The following ATP2C1 variants were observed in gnomAD, a reference collection of about 807,000 sequenced individuals.
ATP2C1 encodes calcium-transporting ATPase type 2C member 1.
ATP2C1 carries 31 observed loss-of-function variants against 120.5 expected under a neutral mutation model. The ratio of observed to expected loss-of-function variants is 0.26; its 90% CI spans 0.19 to 0.35. The LOEUF is 0.35. Ranked by LOEUF, ATP2C1 falls within the 10% of genes least tolerant of loss-of-function variation. The pLI is 1.00. For missense variants in ATP2C1, 731 were observed against 1,107.5 expected (o/e 0.66, Z 4.83); for synonymous variants, 351 against 358.7 (o/e 0.98, Z 0.24).
chr3:130,897,212 G>A (rs1023938062), intron 2 of ATP2C1, among the ~76,000 whole-genome samples: 1 of 152,168 alleles, frequency 6.6e-6, no homozygotes, highest in African/African-American at 2.4e-5. Context: ...GTTAGGTAAG[G>A]AATTTTCTAT....
chr3:130,964,210 T>A, intron 13 of ATP2C1, 115 bp downstream of exon 13: 2 of 1,468,432 alleles, frequency 1.4e-6, no homozygotes, highest in South Asian at 2.3e-5. Flanking sequence ...ATGTTTGGCT[T>A]ATGGCAAAAT....
intron 6 of ATP2C1, among the ~76,000 whole-genome samples, chr3:130,938,700 A>G (rs924640395): frequency 1.3e-5 from 2 of 152,226 alleles, no homozygotes; most frequent in African/African-American, 4.8e-5. Flanking sequence ...ACCATTATTC[A>G]AGGCAGCTAT....
In ATP2C1 at chr3:130,923,136, A is replaced by G. The variant is rs575870564; in HGVS notation, c.7-7280A>G. Among the ~76,000 whole-genome samples, 6 of 151,902 alleles carry G rather than the reference A, an allele frequency of 3.9e-5. 1 individual carries two copies. The highest frequency in any genetic ancestry group is 1.4e-4 in the African/African-American group (6 of 41,386). The stretch of plus-strand genomic sequence containing the variant: ...GTAGTAATTGTTTTATAAATTTGGG[A>G]GCTTCAATGTTAGGTGCATATATAT... On this transcript the variant is annotated intron_variant, in intron 2 of 27. Transcript: ENST00000510168.
rs1276340542 is a variant in ATP2C1 at position 130,940,698 on chromosome 3, T to C, written c.422+7T>C. On this transcript the variant is annotated splice_region_variant and intron_variant, in intron 7 of 27. Transcript: ENST00000510168. ...TGCCACCAGAATGCCATTGGTATGA[T>C]CCTTTTTTTGGTATGGATTTCTGCC... 3 of 1,608,062 alleles carry C rather than the reference T, an allele frequency of 1.9e-6. No homozygotes were observed.
intron 1 of ATP2C1, among the ~76,000 whole-genome samples, chr3:130,882,973 G>A (rs1214941752): frequency 6.6e-6 from 1 of 152,150 alleles, no homozygotes; most frequent in Non-Finnish European, 1.5e-5. Flanking sequence ...GAAGCCATCA[G>A]GTCCCAAGCT....
At chr3:130,902,284 G>GTTTTTTTTTTTTTTTTTTTTTTTTTTTT (rs1157956407) in intron 2 of ATP2C1, among the ~76,000 whole-genome samples, 4 of 65,502 alleles carry the variant, frequency 6.1e-5, no homozygotes, top group African/African-American at 1.1e-4. Flanking sequence ...AAGGCTTCAC[G>GTTTTTTTTTTTTTTTTTTTTTTTTTTTT]TTTTTTTTTT....
intron 2 of ATP2C1, among the ~76,000 whole-genome samples, chr3:130,929,512 A>G (rs1223280057): frequency 6.6e-6 from 1 of 152,192 alleles, no homozygotes; most frequent in Non-Finnish European, 1.5e-5. Flanking sequence ...ACAGCTTAAA[A>G]ACTTGTATCT....
intron 1 of ATP2C1, among the ~76,000 whole-genome samples, chr3:130,859,193 C>T (rs575287854): frequency 2.4e-4 from 37 of 152,232 alleles, no homozygotes; most frequent in Admixed American, 1.3e-3. Flanking sequence ...TTAGGATTCC[C>T]GTTTTATTTG....
Position 130,983,886 on chromosome 3 carries a change from G to C in ATP2C1, c.1839+3207G>C, listed in dbSNP as rs114631733. Among the ~76,000 whole-genome samples, 524 of 152,242 alleles carry C rather than the reference G, an allele frequency of 3.4e-3. 1 individual carries two copies. Among genetic ancestry groups the C allele is most frequent in the African/African-American group, 0.012 (497 of 41,538 alleles). On this transcript the variant is annotated intron_variant, in intron 20 of 27. Coordinates refer to ENST00000510168, the MANE Select transcript of ATP2C1 (RefSeq NM_001378687.1). The stretch of plus-strand genomic sequence containing the variant: ...CTAAATAATATTCCATTGTATGAAA[G>C]TGCCACAGTTTATCACTTCACCTTT...
At chr3:131,015,053 C>T (rs1415925413) in intron 26 of ATP2C1, 2 of 503,106 alleles carry the variant, frequency 4.0e-6, no homozygotes, top group African/African-American at 2.0e-5. Context: ...TCAAGAATGG[C>T]CTTAAATTAT....
chr3:130,996,185 C>A, intron 23 of ATP2C1, 74 bp downstream of exon 23: 1 of 1,067,858 alleles, frequency 9.4e-7, no homozygotes, highest in Non-Finnish European at 1.5e-6. Context: ...AAGCAGAATG[C>A]CTAGAAACTT....
intron 22 of ATP2C1, among the ~76,000 whole-genome samples, chr3:130,994,376 G>A (rs1435897526): frequency 1.3e-5 from 2 of 152,066 alleles, no homozygotes; most frequent in Non-Finnish European, 2.9e-5. Flanking sequence ...TATAGTAATG[G>A]CCTTTATTTT....
At chr3:131,004,543 C>T (rs1381392234), downstream of ATP2C1, among the ~76,000 whole-genome samples, 1 of 152,196 alleles carries the variant, frequency 6.6e-6, no homozygotes, top group Non-Finnish European at 1.5e-5. Context: ...AGTATCATGC[C>T]TTCAGGAAGT....
At chr3:131,011,817 A>G (rs946141369) in intron 26 of ATP2C1, among the ~76,000 whole-genome samples, 12 of 152,350 alleles carry the variant, frequency 7.9e-5, no homozygotes, top group Middle Eastern at 6.8e-3. Context: ...TTGTCTCCCA[A>G]GCAGCCTGAA....
At chr3:130,884,184 G>A (rs1474239891) in intron 1 of ATP2C1, among the ~76,000 whole-genome samples, 4 of 151,864 alleles carry the variant, frequency 2.6e-5, no homozygotes, top group African/African-American at 9.7e-5. Flanking sequence ...CAGGTGATCT[G>A]CCCACCTCGG....
intron 17 of ATP2C1, 64 bp downstream of exon 17, chr3:130,969,460 T>C (rs2061196053): frequency 7.8e-7 from 1 of 1,279,146 alleles, no homozygotes; most frequent in Non-Finnish European, 1.1e-6. Flanking sequence ...TTTCATTTAC[T>C]GTCCACCTTT....
intron 4 of ATP2C1, among the ~76,000 whole-genome samples, chr3:130,933,405 T>G (rs1352781591): frequency 6.6e-6 from 1 of 152,164 alleles, no homozygotes; most frequent in African/African-American, 2.4e-5. Flanking sequence ...TTAAGAACTT[T>G]TTTTGGTTTA....
Position 131,002,822 on chromosome 3 carries a change from T to C in ATP2C1, c.*1472T>C. ...GGAAAATATCTATTCTTTGAGTCAT[T>C]GTTACTGAGGCAGTTGAGTGTAAGG... On this transcript the variant is annotated 3_prime_UTR_variant, in exon 28 of 28. Transcript: ENST00000510168. The C allele has an allele frequency of 1.3e-5, 13 of 985,778 alleles. No individual in the cohort carries two copies. The highest frequency in any genetic ancestry group is 1.6e-5 in the Non-Finnish European group (13 of 829,912). 61.1% of individuals were successfully genotyped at this position (985,778 alleles called of 1,614,324 possible). A position where few individuals can be genotyped will look rare whatever the true frequency, so the allele number is the denominator to read the frequency against.
intron 20 of ATP2C1, among the ~76,000 whole-genome samples, chr3:130,990,392 A>G (rs1322257275): frequency 6.6e-6 from 1 of 151,346 alleles, no homozygotes; most frequent in Admixed American, 6.6e-5. Context: ...AGAGGGACCC[A>G]TGTTATATCC....
Sources: gnomAD v4.1 joint callset for allele counts (sites outside exome capture counted in the v4.1 genomes callset) on GRCh38, gnomAD v4.1.1 for gene constraint, MANE v1.5 for transcripts, NCBI Gene and HGNC (gene_info 2026-07-23, HGNC 2026-07-21) for gene names.